Variants in CPLANE1 observed in about 807,000 individuals in gnomAD.
CPLANE1 encodes ciliogenesis and planar polarity effector complex subunit 1, also known as ciliogenesis and planar polarity effector 1.
Under a neutral mutation model 362.5 loss-of-function variants are expected in CPLANE1, and 263 were observed. The observed-to-expected ratio is 0.73, with a 90% confidence interval of 0.66 to 0.80. The LOEUF is 0.80. Among genes scored for constraint, CPLANE1 ranks in the 30% least tolerant of loss-of-function variants. CPLANE1 has a pLI of 0.00. For synonymous variants in CPLANE1, 1,212 were observed against 1,302.6 expected, an observed-to-expected ratio of 0.93 and a Z score of 1.50; for missense variants, 3,461 against 3,793.4, an observed-to-expected ratio of 0.91 and a Z score of 2.30.
At chr5:37,217,708 GGCTCAT>G (rs1282718879) in intron 15 of CPLANE1, among the ~76,000 whole-genome samples, 2 of 151,818 alleles carry the variant, frequency 1.3e-5, no homozygotes, top group Admixed American at 6.6e-5. Context: ...TGGGCGAAGT[GGCTCAT>G]GCCTGTAATC....
chr5:37,207,610 G>C (rs1470843588), intron 16 of CPLANE1, among the ~76,000 whole-genome samples: 2 of 152,160 alleles, frequency 1.3e-5, no homozygotes, highest in African/African-American at 4.8e-5. Flanking sequence ...TATGCATCCT[G>C]AAACATTCAC....
the CPLANE1 span, among the ~76,000 whole-genome samples, chr5:37,089,210 A>AT: frequency 6.6e-6 from 1 of 152,280 alleles, no homozygotes; most frequent in East Asian, 1.9e-4. Flanking sequence ...CAGAAACAGA[A>AT]AATTGTCAGC....
Position 37,153,908 on chromosome 5 carries a change from T to C in CPLANE1, c.8205A>G (p.Gln2735=), listed in dbSNP as rs148229082. 6 of 1,613,976 alleles carry C rather than the reference T, an allele frequency of 3.7e-6. No individual in the cohort carries two copies. Among genetic ancestry groups the C allele is most frequent in the Admixed American group, 3.3e-5 (2 of 59,970 alleles). Residue 2735 remains glutamine (Q), a synonymous_variant, in exon 42 of 53, where the codon CAA becomes CAG. Transcript: ENST00000651892. ...AEDYLLWKRL[Q]GVSAACPAPS... Reference sequence around the variant, plus strand: ...GTGCAGGGCAAGCTGCAGAGACACCTTGCAGCCGTTTCCACAATAGATAAT... The same window carrying C: ...GTGCAGGGCAAGCTGCAGAGACACCCTGCAGCCGTTTCCACAATAGATAAT...
At chr5:37,163,871 C>T (rs1207675644) in intron 37 of CPLANE1, among the ~76,000 whole-genome samples, 1 of 152,116 alleles carries the variant, frequency 6.6e-6, no homozygotes, top group Non-Finnish European at 1.5e-5. Context: ...AGATTGAGCT[C>T]AATCACAATG....
intron 15 of CPLANE1, among the ~76,000 whole-genome samples, chr5:37,220,686 A>AT (rs538640115): frequency 1.3e-5 from 2 of 151,966 alleles, no homozygotes; most frequent in African/African-American, 2.4e-5. Flanking sequence ...AGCCTGGCTG[A>AT]TTTTTTTGTA....
At chr5:37,237,995 A>G (rs532288863) in intron 8 of CPLANE1, among the ~76,000 whole-genome samples, 7 of 152,336 alleles carry the variant, frequency 4.6e-5, no homozygotes, top group Non-Finnish European at 8.8e-5. Context: ...CATGGTCAAT[A>G]TAGCAAGACC....
intron 51 of CPLANE1, among the ~76,000 whole-genome samples, chr5:37,113,204 C>T (rs1292977199): frequency 1.3e-5 from 2 of 152,170 alleles, no homozygotes; most frequent in South Asian, 2.1e-4. Context: ...ATAATTCCCA[C>T]GTGCTGTGGG....
At position 37,121,580 on chromosome 5, in the gene CPLANE1, G is replaced by A. The variant is rs370799496; in HGVS notation, c.9185+37C>T. The A allele has an allele frequency of 1.4e-5, 22 of 1,597,742 alleles. No individual in the cohort carries two copies. The East Asian group carries it at 2.0e-4, about 15-fold the overall frequency. ...TACATTTCTTCTTATCAGGCCTGAC[G>A]TTATCTTGCCAAATGGCATGTGAAA... is the stretch of plus-strand genomic sequence containing the variant. On this transcript the variant is annotated intron_variant, in intron 49 of 52. Coordinates refer to ENST00000651892, the MANE Select transcript of CPLANE1 (RefSeq NM_001384732.1).
intron 44 of CPLANE1, chr5:37,141,311 T>C (rs1048045876): frequency 1.8e-5 from 18 of 985,256 alleles, no homozygotes; most frequent in Non-Finnish European, 2.2e-5. Flanking sequence ...CATCTAGCCA[T>C]ATGAGTCCTG....
intron 21 of CPLANE1, among the ~76,000 whole-genome samples, chr5:37,189,411 A>G (rs930490524): frequency 1.3e-5 from 2 of 152,146 alleles, no homozygotes; most frequent in African/African-American, 4.8e-5. Context: ...CACCCCACAC[A>G]TCAGATTCTC....
chr5:37,128,866 C>CA (rs200378178), intron 46 of CPLANE1, among the ~76,000 whole-genome samples: 4,344 of 146,024 alleles, frequency 0.03, 235 homozygotes, highest in African/African-American at 0.1. Context: ...CAAAAAAAAA[C>CA]AAAAAAAAAA....
the CPLANE1 span, among the ~76,000 whole-genome samples, chr5:37,091,416 C>T: frequency 1.3e-5 from 2 of 152,200 alleles, no homozygotes; most frequent in East Asian, 3.9e-4. Flanking sequence ...ACAATTTCAA[C>T]AATTTTGTCA....
At chr5:37,241,292 A>G (rs1474317963) in intron 6 of CPLANE1, among the ~76,000 whole-genome samples, 1 of 152,104 alleles carries the variant, frequency 6.6e-6, no homozygotes, top group African/African-American at 2.4e-5. Flanking sequence ...CATCTTTACT[A>G]AAAATACAAA....
intron 20 of CPLANE1, 108 bp downstream of exon 20, chr5:37,198,594 T>A: frequency 1.8e-6 from 2 of 1,082,388 alleles, no homozygotes; most frequent in Non-Finnish European, 2.6e-6. Context: ...AATTTGTGGA[T>A]TTATAGGGCA....
At chr5:37,084,953 A>G in the CPLANE1 span, 1 of 534,376 alleles carries the variant, frequency 1.9e-6, no homozygotes. Flanking sequence ...AGTGAGAAGG[A>G]GTAGCTATTT....
At chr5:37,124,019 T>C (rs1448985583) in intron 47 of CPLANE1, among the ~76,000 whole-genome samples, 1 of 151,858 alleles carries the variant, frequency 6.6e-6, no homozygotes, top group Non-Finnish European at 1.5e-5. Context: ...GGTACCTCAG[T>C]AGCCCTGAAG....
rs12514076 is a variant in CPLANE1 at position 37,245,350 on chromosome 5, T to C, written c.337+129A>G. The C allele has an allele frequency of 0.24, 25,869 of 107,612 alleles. 4,997 individuals carry two copies. Among genetic ancestry groups the C allele is most frequent in the African/African-American group, 0.53 (15,366 of 29,036 alleles). The allele number at this position is 107,612 out of a possible 1,614,324, so 6.7% of individuals were successfully genotyped here. On this transcript the variant is annotated intron_variant, in intron 4 of 52. Coordinates refer to ENST00000651892, the MANE Select transcript of CPLANE1 (RefSeq NM_001384732.1). ...ATATATATATATATATATATATATA[T>C]ACACACACTCAGATATACATATGCA... is the stretch of plus-strand genomic sequence containing the variant.
At chr5:37,093,930 T>C in the CPLANE1 span, among the ~76,000 whole-genome samples, 1 of 151,062 alleles carries the variant, frequency 6.6e-6, no homozygotes, top group Non-Finnish European at 1.5e-5. Flanking sequence ...GTAGAGTAGT[T>C]TATCTAAATA....
rs755166336 is a variant in CPLANE1, at chr5:37,157,408, G to A, written c.8024C>T (p.Ala2675Val). Residue 2675 changes from alanine (A) to valine (V), a missense_variant, in exon 41 of 53, where the codon GCT becomes GTT. Physicochemically the swap from Ala to Val is moderately conservative, Grantham distance 64. Around this residue, in one of 2 missense-constraint regions of CPLANE1, gnomAD observed 3,380 missense variants for 3,666.1 expected, o/e 0.92. Coordinates refer to ENST00000651892, the MANE Select transcript of CPLANE1 (RefSeq NM_001384732.1). Reference sequence around the variant, plus strand: ...TCTCAAGCTTTTTCCATCCAGACAAGCTGGAGTTACTTCTGCAGGTTTAGA... The same window carrying A: ...TCTCAAGCTTTTTCCATCCAGACAAACTGGAGTTACTTCTGCAGGTTTAGA... ...HNFKSQEVTP[A>V]CLDGKSLRAG... The A allele has an allele frequency of 1.8e-4, 266 of 1,459,684 alleles. No individual in the cohort carries two copies. The highest frequency in any genetic ancestry group is 2.4e-4 in the Non-Finnish European group (261 of 1,092,218). The allele number at this position is 1,459,684 out of a possible 1,614,324, so 90.4% of individuals were successfully genotyped here.
Sources: gnomAD v4.1 joint callset for allele counts (sites outside exome capture counted in the v4.1 genomes callset) on GRCh38, gnomAD v4.1.1 for gene constraint, gnomAD v4.1.1 regional missense constraint, MANE v1.5 for transcripts, NCBI Gene and HGNC (gene_info 2026-07-23, HGNC 2026-07-21) for gene names.